Variants in DLG2 observed in about 807,000 individuals in gnomAD.
DLG2 encodes discs large MAGUK scaffold protein 2.
Under a neutral mutation model 132.5 loss-of-function variants are expected in DLG2, and 45 were observed. The ratio of observed to expected loss-of-function variants is 0.34; its 90% CI spans 0.27 to 0.44. DLG2 has a LOEUF of 0.44. Ranked by LOEUF, DLG2 falls within the 20% of genes least tolerant of loss-of-function variation. The probability of loss-of-function intolerance (pLI) is 1.00; values close to 1 mark genes in which losing one functional copy is unlikely to be tolerated. For synonymous variants in DLG2, 424 were observed against 419.6 expected, an observed-to-expected ratio of 1.01 and a Z score of -0.13; for missense variants, 1,045 against 1,196.9, an observed-to-expected ratio of 0.87 and a Z score of 1.87.
At chr11:84,951,369 G>C (rs1254849719) in intron 6 of DLG2, among the ~76,000 whole-genome samples, 1 of 152,106 alleles carries the variant, frequency 6.6e-6, no homozygotes, top group African/African-American at 2.4e-5. Flanking sequence ...GCATGCTTAA[G>C]TTTAGGATAA....
At chr11:84,701,095 T>G (rs887413023) in intron 6 of DLG2, among the ~76,000 whole-genome samples, 21 of 151,664 alleles carry the variant, frequency 1.4e-4, no homozygotes, top group African/African-American at 5.1e-4. Context: ...GACCATCCTG[T>G]CTTCCTCTTG....
At chr11:85,619,980 T>G (rs1006029022) in intron 2 of DLG2, among the ~76,000 whole-genome samples, 1 of 152,230 alleles carries the variant, frequency 6.6e-6, no homozygotes, top group Non-Finnish European at 1.5e-5. Context: ...CTCATTTTAT[T>G]GCACTTTGCT....
chr11:85,132,853 G>A (rs2075836306), intron 5 of DLG2: 1 of 456,542 alleles, frequency 2.2e-6, no homozygotes, highest in Admixed American at 2.4e-5. Context: ...AATCAGCAAA[G>A]GTGAGAAAAG....
intron 7 of DLG2, among the ~76,000 whole-genome samples, chr11:84,455,973 A>G (rs1246041081): frequency 1.3e-5 from 2 of 151,260 alleles, no homozygotes; most frequent in Non-Finnish European, 3.0e-5. Context: ...TTTGGCTCAC[A>G]TTAAGGTTGT....
At chr11:85,570,087 A>C (rs2153225342) in intron 3 of DLG2, among the ~76,000 whole-genome samples, 1 of 152,230 alleles carries the variant, frequency 6.6e-6, no homozygotes, top group South Asian at 2.1e-4. Context: ...CATGTAACAA[A>C]CCTACATATG....
At chr11:83,496,010 T>C (rs1440527225) in intron 21 of DLG2, among the ~76,000 whole-genome samples, 5 of 152,044 alleles carry the variant, frequency 3.3e-5, no homozygotes, top group African/African-American at 1.2e-4. Context: ...ATTTCTGTTC[T>C]TCAAAAGAAG....
chr11:85,153,020 T>C (rs1370675507), intron 5 of DLG2, among the ~76,000 whole-genome samples: 2 of 152,192 alleles, frequency 1.3e-5, no homozygotes, highest in Non-Finnish European at 2.9e-5. Flanking sequence ...ATTTCTCCAA[T>C]TGCATGCAAC....
intron 4 of DLG2, among the ~76,000 whole-genome samples, chr11:85,191,699 T>A (rs535069651): frequency 6.6e-6 from 1 of 152,140 alleles, no homozygotes; most frequent in Non-Finnish European, 1.5e-5. Flanking sequence ...CAGGAAGATA[T>A]ATATAGATTG....
At chr11:85,216,600 T>C (rs548253054) in intron 4 of DLG2, among the ~76,000 whole-genome samples, 6 of 152,114 alleles carry the variant, frequency 3.9e-5, no homozygotes, top group Admixed American at 6.5e-5. Context: ...GTTTGAAAAA[T>C]GGGAACAATT....
chr11:85,213,587 A>C (rs1595436921), intron 4 of DLG2, among the ~76,000 whole-genome samples: 1 of 152,162 alleles, frequency 6.6e-6, no homozygotes, highest in South Asian at 2.1e-4. Flanking sequence ...AGGCTTCAAA[A>C]AGAATAAATT....
At chr11:85,126,962 G>A (rs929642584) in intron 5 of DLG2, among the ~76,000 whole-genome samples, 1 of 152,140 alleles carries the variant, frequency 6.6e-6, no homozygotes, top group Non-Finnish European at 1.5e-5. Context: ...ATAAGAATGG[G>A]CAACACAGGT....
At position 85,219,866 on chromosome 11, in the gene DLG2, A is replaced by C. The variant is rs1270173372; in HGVS notation, c.187-65215T>G. Among the ~76,000 whole-genome samples the C allele has an allele frequency of 4.0e-5, 6 of 151,770 alleles. No homozygotes were observed. The East Asian group carries it at 1.2e-3, about 29-fold the overall frequency. The stretch of plus-strand genomic sequence containing the variant: ...TTTCAACTGGAGAGAGGAGAATCTG[A>C]AATTCTGCATTTGGAGAACAGTACT... On this transcript the variant is annotated intron_variant, in intron 4 of 27. Coordinates refer to ENST00000376104, the MANE Select transcript of DLG2 (RefSeq NM_001142699.3).
At chr11:85,604,571 T>C (rs1178800600) in intron 2 of DLG2, among the ~76,000 whole-genome samples, 4 of 152,104 alleles carry the variant, frequency 2.6e-5, no homozygotes, top group Non-Finnish European at 4.4e-5. Context: ...TTCATCTAAA[T>C]TGCCTCAATT....
chr11:84,983,204 A>T (rs552662217), intron 6 of DLG2, among the ~76,000 whole-genome samples: 10 of 152,286 alleles, frequency 6.6e-5, no homozygotes, highest in Non-Finnish European at 1.3e-4. Context: ...AGCCAAGAGA[A>T]CCCACAGGCC....
chr11:84,518,694 TC>T (rs1323181151), intron 7 of DLG2, among the ~76,000 whole-genome samples: 1 of 152,056 alleles, frequency 6.6e-6, no homozygotes, highest in Non-Finnish European at 1.5e-5. Flanking sequence ...CTGAGATTTT[TC>T]CCCCCAATTA....
chr11:84,794,388 G>C (rs2074274686), intron 6 of DLG2, among the ~76,000 whole-genome samples: 1 of 152,234 alleles, frequency 6.6e-6, no homozygotes, highest in Non-Finnish European at 1.5e-5. Flanking sequence ...AGCTGGGGCT[G>C]TGTACTCCAT....
chr11:84,940,719 G>A (rs912627616), intron 6 of DLG2, among the ~76,000 whole-genome samples: 2 of 152,180 alleles, frequency 1.3e-5, no homozygotes, highest in Admixed American at 1.3e-4. Flanking sequence ...CTGTGCAGAA[G>A]CTTTGTAACT....
intron 6 of DLG2, among the ~76,000 whole-genome samples, chr11:85,088,681 G>A (rs955994271): frequency 2.6e-5 from 4 of 152,070 alleles, no homozygotes; most frequent in African/African-American, 4.8e-5. Context: ...TATTTCCCCT[G>A]CGTTCCCAGT....
intron 18 of DLG2, chr11:83,651,986 G>C (rs1293549541): frequency 4.9e-6 from 2 of 405,002 alleles, no homozygotes; most frequent in East Asian, 1.4e-4. Flanking sequence ...AATTCAGCCT[G>C]TGTTGGTCTA....
Sources: gnomAD v4.1 joint callset for allele counts (sites outside exome capture counted in the v4.1 genomes callset) on GRCh38, gnomAD v4.1.1 for gene constraint, MANE v1.5 for transcripts, NCBI Gene and HGNC (gene_info 2026-07-23, HGNC 2026-07-21) for gene names.